Variants in REV1 observed in about 807,000 individuals in gnomAD.
REV1 encodes REV1 DNA directed polymerase, also known as translesion synthesis protein REV1.
In REV1, 42 loss-of-function variants were observed where a neutral mutation model predicts 137.4. The ratio of observed to expected loss-of-function variants is 0.31; its 90% confidence interval spans 0.24 to 0.40. The LOEUF is 0.40. REV1 is among the 10% of genes least tolerant of loss of function. The pLI is 1.00. For synonymous variants in REV1, 524 were observed against 519.2 expected, an observed-to-expected ratio of 1.01 and a Z score of -0.12; for missense variants, 1,282 against 1,490.1, an observed-to-expected ratio of 0.86 and a Z score of 2.30.
At chr2:99,473,842 T>C (rs1477644471) in intron 1 of REV1, among the ~76,000 whole-genome samples, 1 of 152,250 alleles carries the variant, frequency 6.6e-6, no homozygotes, top group African/African-American at 2.4e-5. Context: ...GAAGTAAGTA[T>C]GATCTTTCCA....
intron 1 of REV1, among the ~76,000 whole-genome samples, chr2:99,469,401 G>T (rs1371878268): frequency 6.6e-6 from 1 of 152,152 alleles, no homozygotes; most frequent in East Asian, 1.9e-4. Flanking sequence ...ACCCTCGAAA[G>T]GTTCACAAGC....
chr2:99,476,307 CA>C (rs1297821198), intron 1 of REV1, among the ~76,000 whole-genome samples: 1 of 152,100 alleles, frequency 6.6e-6, no homozygotes, highest in African/African-American at 2.4e-5. Flanking sequence ...CCTGTAATCC[CA>C]ACACTTTAGG....
chr2:99,404,845 C>G (rs1338117281), intron 17 of REV1, among the ~76,000 whole-genome samples, 168 bp from the exon 18 acceptor site: 1 of 152,156 alleles, frequency 6.6e-6, no homozygotes, highest in East Asian at 1.9e-4. Flanking sequence ...ATTTTTGGAA[C>G]GTCTTGGCCT....
intron 3 of REV1, among the ~76,000 whole-genome samples, chr2:99,451,916 T>C (rs376033112): frequency 5.7e-4 from 87 of 152,228 alleles, no homozygotes; most frequent in Admixed American, 2.4e-3. Context: ...ATGCTAACTG[T>C]TGGCATGCAT....
Position 99,402,639 on chromosome 2 carries a change from C to G in REV1, c.3541+5G>C. ...CTTGGGCCATCTAACACAGGCCAAG[C>G]CAACCTGAAATTGTAGTTATCCATT... is the stretch of plus-strand genomic sequence containing the variant. On this transcript the variant is annotated splice_donor_5th_base_variant and intron_variant, in intron 21 of 22. Coordinates refer to ENST00000258428, the MANE Select transcript of REV1 (RefSeq NM_016316.4). 1 of 1,612,858 alleles carries G rather than the reference C, an allele frequency of 6.2e-7. No individual in the cohort carries two copies. Among genetic ancestry groups the G allele is most frequent in the Non-Finnish European group, 8.5e-7 (1 of 1,179,200 alleles).
rs1402384636 is a variant in REV1, at chr2:99,412,716, T to C, written c.2172+15A>G. The C allele has an allele frequency of 6.3e-7, 1 of 1,598,158 alleles. No homozygotes were observed. The highest frequency in any genetic ancestry group is 2.2e-5 in the East Asian group (1 of 44,754). ...AAAGAGCAACAGATGGCAAAATCTG[T>C]TCAATGATCAGTACCTGAGTAAACC... On this transcript the variant is annotated intron_variant, in intron 13 of 22. Transcript: ENST00000258428.
intron 4 of REV1, among the ~76,000 whole-genome samples, chr2:99,448,101 C>T (rs866962473): frequency 4.6e-4 from 70 of 152,160 alleles, no homozygotes; most frequent in African/African-American, 1.5e-3. Flanking sequence ...CAGCCTTTTC[C>T]ACCACGCTGC....
At chr2:99,404,328 C>A in intron 18 of REV1, 116 bp downstream of exon 18, 25 of 762,366 alleles carry the variant, frequency 3.3e-5, no homozygotes, top group Admixed American at 7.3e-5. Flanking sequence ...CCCCTCCCCT[C>A]CCCAGTGGAT....
intron 1 of REV1, among the ~76,000 whole-genome samples, chr2:99,484,491 T>C (rs994772801): frequency 6.6e-6 from 1 of 152,232 alleles, no homozygotes; most frequent in Non-Finnish European, 1.5e-5. Context: ...AAGACATTTA[T>C]GTTTTCTTAA....
chr2:99,454,550 CAAAAAAA>C (rs373850478), intron 3 of REV1, among the ~76,000 whole-genome samples: 57,844 of 83,124 alleles, frequency 0.7, 18,832 homozygotes, highest in Admixed American at 0.79. Context: ...AACTCCAGCT[CAAAAAAA>C]AAAAAAAAAA....
chr2:99,415,966 T>C (rs982474621), intron 12 of REV1, among the ~76,000 whole-genome samples: 1 of 152,268 alleles, frequency 6.6e-6, no homozygotes, highest in African/African-American at 2.4e-5. Flanking sequence ...GAAACGTATT[T>C]ATTAGTGTAA....
chr2:99,477,093 C>T (rs1382782582), intron 1 of REV1, among the ~76,000 whole-genome samples: 1 of 151,800 alleles, frequency 6.6e-6, no homozygotes, highest in Non-Finnish European at 1.5e-5. Context: ...CCCAACTCCA[C>T]GATGGCAAAA....
At position 99,405,941 on chromosome 2, in the gene REV1, T is replaced by C; in HGVS notation, c.2780A>G (p.Asn927Ser). 6.2e-7 allele frequency: 1 copy of C among 1,603,294 alleles called. No homozygotes were observed. The highest frequency in any genetic ancestry group is 1.1e-5 in the South Asian group (1 of 88,478). ...AGGTGACGGGACCTCTATACTCAGG[T>C]TAAGTCTCGACTGCACACTGACAGG... ...HTPVSVQSRL[N>S]LSIEVPSPSQ... Residue 927 changes from asparagine to serine, a missense_variant, in exon 17 of 23, where the codon AAC becomes AGC. Transcript: ENST00000258428.
chr2:99,468,810 C>T (rs1685094705), intron 1 of REV1, among the ~76,000 whole-genome samples: 1 of 152,150 alleles, frequency 6.6e-6, no homozygotes, highest in Non-Finnish European at 1.5e-5. Context: ...GGTACACCTT[C>T]AATAAACATT....
intron 1 of REV1, among the ~76,000 whole-genome samples, chr2:99,467,471 A>C (rs1317718362): frequency 6.6e-6 from 1 of 152,214 alleles, no homozygotes; most frequent in Non-Finnish European, 1.5e-5. Context: ...AACATTCCAA[A>C]GAGGACAAAA....
chr2:99,441,405 T>G (rs960637513), intron 5 of REV1, among the ~76,000 whole-genome samples: 4 of 152,002 alleles, frequency 2.6e-5, no homozygotes, highest in Admixed American at 2.6e-4. Flanking sequence ...ATATACAAGG[T>G]AAGGCAACCC....
chr2:99,483,027 A>AT (rs1184203270), intron 1 of REV1, among the ~76,000 whole-genome samples: 4 of 151,942 alleles, frequency 2.6e-5, no homozygotes, highest in Non-Finnish European at 5.9e-5. Context: ...CAAAAAAAAA[A>AT]AAAAAAATTT....
intron 3 of REV1, among the ~76,000 whole-genome samples, chr2:99,461,597 C>A (rs914170849): frequency 1.3e-5 from 2 of 152,106 alleles, no homozygotes; most frequent in African/African-American, 4.8e-5. Context: ...TACAGCCATT[C>A]ACTTCAAAAA....
intron 3 of REV1, among the ~76,000 whole-genome samples, chr2:99,460,155 CA>C (rs1684018836): frequency 6.6e-6 from 1 of 152,214 alleles, no homozygotes; most frequent in Non-Finnish European, 1.5e-5. Flanking sequence ...CGGCTCACTT[CA>C]ACCTCCGCCT....
Sources: gnomAD v4.1 joint callset for allele counts (sites outside exome capture counted in the v4.1 genomes callset) on GRCh38, gnomAD v4.1.1 for gene constraint, MANE v1.5 for transcripts, NCBI Gene and HGNC (gene_info 2026-07-23, HGNC 2026-07-21) for gene names.